GNB5: variants seen among roughly 807,000 people sequenced by gnomAD.
The protein encoded by GNB5 is G protein subunit beta 5.
A neutral mutation model predicts 55.3 loss-of-function variants in GNB5; 37 were observed. That is an observed-to-expected ratio of 0.67 (90% CI 0.51 to 0.88). GNB5 has a LOEUF of 0.88. Ranked by LOEUF, GNB5 falls within the 40% of genes least tolerant of loss-of-function variation. GNB5 has a pLI of 0.00. For synonymous variants in GNB5, 219 were observed against 198.5 expected, an observed-to-expected ratio of 1.10 and a Z score of -0.87; for missense variants, 476 against 515.3, an observed-to-expected ratio of 0.92 and a Z score of 0.74.
intron 1 of GNB5, among the ~76,000 whole-genome samples, chr15:52,190,492 CAT>C (rs1489975624): frequency 2.6e-5 from 4 of 151,984 alleles, no homozygotes; most frequent in Non-Finnish European, 5.9e-5. Context: ...GGTCAATAAA[CAT>C]ATAAAAAGGT....
At chr15:52,163,068 G>C (rs2034369408) in intron 3 of GNB5, among the ~76,000 whole-genome samples, 1 of 152,090 alleles carries the variant, frequency 6.6e-6, no homozygotes, top group African/African-American at 2.4e-5. Context: ...GCCCACCCGG[G>C]GGGCAACACT....
intron 3 of GNB5, among the ~76,000 whole-genome samples, chr15:52,167,669 T>G (rs1186952075): frequency 2.2e-5 from 3 of 139,116 alleles, no homozygotes; most frequent in Non-Finnish European, 1.5e-5. Flanking sequence ...AAGACTCCAT[T>G]TCAAAAAAAA....
At chr15:52,135,385 A>G (rs2033676668) in intron 8 of GNB5, among the ~76,000 whole-genome samples, 1 of 152,150 alleles carries the variant, frequency 6.6e-6, no homozygotes, top group Non-Finnish European at 1.5e-5. Flanking sequence ...GGCAGAACAG[A>G]AGGAGGCCCT....
chr15:52,164,726 C>T (rs557975802), intron 3 of GNB5, among the ~76,000 whole-genome samples: 1 of 152,174 alleles, frequency 6.6e-6, no homozygotes, highest in Admixed American at 6.6e-5. Context: ...ACCTCAAAGA[C>T]TTAAGATAGA....
intron 3 of GNB5, among the ~76,000 whole-genome samples, chr15:52,161,442 C>G (rs2034329891): frequency 6.6e-6 from 1 of 152,204 alleles, no homozygotes; most frequent in African/African-American, 2.4e-5. Context: ...GGATTACAGG[C>G]ACGCGCTACC....
In GNB5 at chr15:52,144,820, C is replaced by A. The variant is rs1362722010; in HGVS notation, c.494+2639G>T. Among the ~76,000 whole-genome samples the A allele has an allele frequency of 3.9e-5, 6 of 152,290 alleles. No homozygotes were observed. In the East Asian group the frequency reaches 1.2e-3, roughly 29 times the overall value. On this transcript the variant is annotated intron_variant, in intron 6 of 12. Coordinates refer to ENST00000261837, the MANE Select transcript of GNB5 (RefSeq NM_016194.4). ...AGCTTCCCCAGCTGGCAATACTCTG[C>A]ATGTATTACCATACACCGTGGCCAA...
At chr15:52,179,976 C>T in intron 2 of GNB5, 97 bp from the exon 3 acceptor site, 2 of 1,331,682 alleles carry the variant, frequency 1.5e-6, no homozygotes, top group East Asian at 6.9e-5. Flanking sequence ...CCCCGAGCAC[C>T]GCCCCGCGGC....
chr15:52,138,234 T>C (rs1343821310), intron 7 of GNB5, among the ~76,000 whole-genome samples: 1 of 151,904 alleles, frequency 6.6e-6, no homozygotes, highest in Non-Finnish European at 1.5e-5. Context: ...AATACAAAAA[T>C]TAGCCAGTTG....
intron 3 of GNB5, 85 bp downstream of exon 3, chr15:52,179,683 A>C: frequency 1.1e-5 from 8 of 756,416 alleles, no homozygotes; most frequent in Non-Finnish European, 7.2e-6. Context: ...CGCAGCCACG[A>C]CCGCCCCCAC....
intron 3 of GNB5, among the ~76,000 whole-genome samples, chr15:52,159,609 G>A (rs2034288271): frequency 6.6e-6 from 1 of 152,230 alleles, no homozygotes. Flanking sequence ...TGGAACTCAA[G>A]AGGAAGTGTA....
At chr15:52,138,297 C>A (rs569927262) in intron 7 of GNB5, 12 of 219,420 alleles carry the variant, frequency 5.5e-5, no homozygotes, top group Non-Finnish European at 9.3e-5. Flanking sequence ...GCACTAGAAT[C>A]GCTTGAACCT....
chr15:52,149,649 G>C (rs2034048935), intron 5 of GNB5: 1 of 601,428 alleles, frequency 1.7e-6, no homozygotes, highest in African/African-American at 1.8e-5. Context: ...GGTATTGGCA[G>C]CCCCTATGGT....
intron 1 of GNB5, among the ~76,000 whole-genome samples, chr15:52,185,903 C>T (rs1212662520): frequency 6.6e-6 from 1 of 151,926 alleles, no homozygotes; most frequent in Non-Finnish European, 1.5e-5. Flanking sequence ...CTCAGCCTCC[C>T]AAGTAGTTGG....
intron 3 of GNB5, among the ~76,000 whole-genome samples, chr15:52,170,111 TG>T (rs1372258108): frequency 6.6e-6 from 1 of 152,166 alleles, no homozygotes; most frequent in African/African-American, 2.4e-5. Flanking sequence ...ACACTGTTGG[TG>T]GGAATGTAAA....
At chr15:52,187,581 C>A (rs982091496) in intron 1 of GNB5, among the ~76,000 whole-genome samples, 7 of 152,042 alleles carry the variant, frequency 4.6e-5, no homozygotes, top group Non-Finnish European at 1.0e-4. Context: ...TAGATAGAGG[C>A]AATGTTTTTC....
At chr15:52,162,784 T>C (rs1474006523) in intron 3 of GNB5, 3 of 152,308 alleles carry the variant, frequency 2.0e-5, no homozygotes, top group African/African-American at 4.8e-5. Flanking sequence ...TTACTACTAA[T>C]TGATTACAAC....
chr15:52,162,680 T>C (rs2034360074), intron 3 of GNB5: 1 of 152,148 alleles, frequency 6.6e-6, no homozygotes, highest in South Asian at 2.1e-4. Flanking sequence ...TAATGCTAAT[T>C]AAAAAAACTC....
At position 52,122,684 on chromosome 15, in the gene GNB5, C is replaced by T; in HGVS notation, c.*73G>A. On this transcript the variant is annotated 3_prime_UTR_variant, in exon 13 of 13. Coordinates refer to ENST00000261837, the MANE Select transcript of GNB5 (RefSeq NM_016194.4). The stretch of plus-strand genomic sequence containing the variant: ...ACACTGCAATAAACTCTAAGCTCCT[C>T]TAGAAGTAATATCTATTTACATGTG... 8.2e-7 allele frequency: 1 copy of T among 1,218,402 alleles called. No homozygotes were observed. The highest frequency in any genetic ancestry group is 1.2e-6 in the Non-Finnish European group (1 of 819,798). The allele number at this position is 1,218,402 out of a possible 1,614,324, so 75.5% of individuals were successfully genotyped here. A position where few individuals can be genotyped will look rare whatever the true frequency, so the allele number is the denominator to read the frequency against.
intron 6 of GNB5, chr15:52,147,144 T>C (rs1362692102): frequency 2.2e-5 from 5 of 230,766 alleles, no homozygotes; most frequent in Non-Finnish European, 4.3e-5. Context: ...AAAATAATTA[T>C]GAAAGAGAGT....
Sources: gnomAD v4.1 joint callset for allele counts (sites outside exome capture counted in the v4.1 genomes callset) on GRCh38, gnomAD v4.1.1 for gene constraint, MANE v1.5 for transcripts, NCBI Gene and HGNC (gene_info 2026-07-23, HGNC 2026-07-21) for gene names.